Variants in SAMD12 observed in about 807,000 individuals in gnomAD.
SAMD12 encodes sterile alpha motif domain-containing protein 12.
A neutral mutation model predicts 15.0 loss-of-function variants in SAMD12; 9 were observed. That is an observed-to-expected ratio of 0.60 (90% CI 0.36 to 1.05). The LOEUF is 1.05. Ranked by LOEUF, SAMD12 falls within the 50% of genes least tolerant of loss-of-function variation. SAMD12 has a pLI of 0.01. For missense variants in SAMD12, 230 were observed against 234.2 expected (o/e 0.98, Z 0.12); for synonymous variants, 86 against 90.1 (o/e 0.96, Z 0.25).
At chr8:118,285,826 AG>A (rs1813955257) in intron 4 of SAMD12, among the ~76,000 whole-genome samples, 1 of 152,220 alleles carries the variant, frequency 6.6e-6, no homozygotes, top group Admixed American at 6.5e-5. Flanking sequence ...GGTAGCTATA[AG>A]TACTATAAAA....
chr8:118,531,820 GT>G lies in SAMD12; in HGVS notation c.192+48894del, dbSNP rs550891216. Among the ~76,000 whole-genome samples, 282 of 152,206 alleles carry G rather than the reference GT, an allele frequency of 1.9e-3. 1 individual carries two copies. Among genetic ancestry groups the G allele is most frequent in the African/African-American group, 5.5e-3 (227 of 41,530 alleles). ...TGAAGTTGCTTATCAGCTTAAGGAGGTTTGGGGCTGAGATGATAGGGTTTTC... is the reference window on the plus strand; with the variant it reads ...TGAAGTTGCTTATCAGCTTAAGGAGGTTGGGGCTGAGATGATAGGGTTTTC... On this transcript the variant is annotated intron_variant, in intron 2 of 3. Coordinates refer to ENST00000314727, the MANE Select transcript of SAMD12 (RefSeq NM_207506.3).
chr8:118,163,821 G>A, the SAMD12 span, among the ~76,000 whole-genome samples: 1 of 152,038 alleles, frequency 6.6e-6, no homozygotes, highest in South Asian at 2.1e-4. Context: ...CTTGCAGTGA[G>A]CCGAGATCGC....
intron 4 of SAMD12, among the ~76,000 whole-genome samples, chr8:118,225,636 G>A (rs1042497403): frequency 2.6e-5 from 4 of 152,302 alleles, no homozygotes; most frequent in East Asian, 1.9e-4. Flanking sequence ...CATGTTAAGC[G>A]ATTTAGGGAA....
chr8:118,578,216 A>G (rs1827198978), intron 2 of SAMD12, among the ~76,000 whole-genome samples: 4 of 152,308 alleles, frequency 2.6e-5, no homozygotes, highest in African/African-American at 9.6e-5. Flanking sequence ...GGTCTTCTAC[A>G]TCCTCATAAA....
At chr8:118,216,466 T>C (rs1586352391) in intron 4 of SAMD12, among the ~76,000 whole-genome samples, 1 of 152,232 alleles carries the variant, frequency 6.6e-6, no homozygotes, top group Middle Eastern at 3.4e-3. Flanking sequence ...TTTAGTTTAA[T>C]TAGATCCCAT....
At chr8:118,467,200 T>C (rs1823619559) in intron 2 of SAMD12, among the ~76,000 whole-genome samples, 1 of 152,184 alleles carries the variant, frequency 6.6e-6, no homozygotes, top group Non-Finnish European at 1.5e-5. Context: ...CCTTGGACCC[T>C]CATGACCAAT....
the SAMD12 span, among the ~76,000 whole-genome samples, chr8:118,168,430 A>G: frequency 6.6e-6 from 1 of 152,204 alleles, no homozygotes; most frequent in Non-Finnish European, 1.5e-5. Context: ...GTTTCCCTAC[A>G]TTCTGACCAC....
At chr8:118,428,045 C>G (rs1489573959) in intron 3 of SAMD12, among the ~76,000 whole-genome samples, 1 of 152,164 alleles carries the variant, frequency 6.6e-6, no homozygotes, top group Non-Finnish European at 1.5e-5. Flanking sequence ...TGAGCATACT[C>G]TCATGTGCCT....
the SAMD12 span, among the ~76,000 whole-genome samples, chr8:118,169,317 G>A: frequency 2.6e-5 from 4 of 152,290 alleles, no homozygotes; most frequent in South Asian, 2.1e-4. Context: ...AGGAAATGCC[G>A]ATCCTAGCAT....
At chr8:118,252,628 C>G (rs571945419) in intron 4 of SAMD12, among the ~76,000 whole-genome samples, 37 of 152,210 alleles carry the variant, frequency 2.4e-4, no homozygotes, top group African/African-American at 8.4e-4. Flanking sequence ...CTCCCTCCCT[C>G]CTTTCTCTCC....
chr8:118,441,765 T>C (rs1273303693), intron 2 of SAMD12, among the ~76,000 whole-genome samples: 1 of 152,124 alleles, frequency 6.6e-6, no homozygotes, highest in Non-Finnish European at 1.5e-5. Context: ...TCCTGACCAA[T>C]GTAGTACAGT....
rs899587361 is a variant in SAMD12, at chr8:118,358,625, CTTTT to C, written c.433+20931_433+20934del. ...TGAATTTTAACATCCCATAATTATA[CTTTT>C]TTTTGTTTCTTTACTGTAGTTTTAG... On this transcript the variant is annotated intron_variant, in intron 4 of 4. Coordinates refer to the SAMD12 transcript ENST00000409003. Among the ~76,000 whole-genome samples the C allele has an allele frequency of 3.9e-5, 6 of 152,154 alleles. 1 individual carries two copies. The South Asian group carries it at 1.0e-3, about 26-fold the overall frequency.
chr8:118,542,084 T>A (rs1826002883), intron 2 of SAMD12, among the ~76,000 whole-genome samples: 1 of 152,190 alleles, frequency 6.6e-6, no homozygotes, highest in Non-Finnish European at 1.5e-5. Flanking sequence ...TAGGCATATG[T>A]CCTTTGAAAA....
intron 2 of SAMD12, among the ~76,000 whole-genome samples, chr8:118,522,322 T>C (rs1563908119): frequency 2.0e-5 from 3 of 152,122 alleles, no homozygotes; most frequent in Non-Finnish European, 2.9e-5. Context: ...CCACTCCGAA[T>C]GGCTTTGTGG....
intron 4 of SAMD12, among the ~76,000 whole-genome samples, chr8:118,268,443 TTTG>T (rs1353392553): frequency 2.6e-5 from 4 of 152,214 alleles, no homozygotes; most frequent in Admixed American, 2.6e-4. Flanking sequence ...TGTTCTTTAA[TTTG>T]TTTGGTTTTT....
intron 1 of SAMD12, among the ~76,000 whole-genome samples, chr8:118,582,904 C>CTT (rs375621211): frequency 6.8e-6 from 1 of 146,186 alleles, no homozygotes; most frequent in Non-Finnish European, 1.5e-5. Flanking sequence ...AAGCACTGTG[C>CTT]TTTTTTTTTT....
chr8:118,343,741 G>T (rs961559565), intron 4 of SAMD12, among the ~76,000 whole-genome samples: 1 of 152,182 alleles, frequency 6.6e-6, no homozygotes, highest in Non-Finnish European at 1.5e-5. Context: ...TTGGGCCAAG[G>T]AGTGTATTGT....
At chr8:118,435,663 T>A (rs1822558256) in intron 3 of SAMD12, among the ~76,000 whole-genome samples, 1 of 152,214 alleles carries the variant, frequency 6.6e-6, no homozygotes, top group Non-Finnish European at 1.5e-5. Flanking sequence ...TTAAAGTTCT[T>A]CAAATAAACA....
chr8:118,260,053 G>A (rs1021440131), intron 4 of SAMD12, among the ~76,000 whole-genome samples: 7 of 152,056 alleles, frequency 4.6e-5, no homozygotes, highest in Non-Finnish European at 8.8e-5. Context: ...CAAAACAGAC[G>A]TCTCCTCTCA....
Sources: allele counts gnomAD v4.1 joint callset (sites outside exome capture counted in the v4.1 genomes callset), GRCh38; gene constraint gnomAD v4.1.1; transcripts MANE v1.5; gene names NCBI Gene and HGNC (gene_info 2026-07-23, HGNC 2026-07-21).